Variants in PLCL1 observed in about 807,000 individuals in gnomAD.
PLCL1 encodes phospholipase C like 1 (inactive).
In PLCL1, 41 loss-of-function variants were observed where a neutral mutation model predicts 84.4. That is an observed-to-expected ratio of 0.49 (90% CI 0.38 to 0.63). The LOEUF (loss-of-function observed/expected upper bound fraction) is 0.63. Ranked by LOEUF, PLCL1 falls within the 30% of genes least tolerant of loss-of-function variation. PLCL1 has a pLI of 0.00. For synonymous variants in PLCL1, 490 were observed against 488.3 expected (o/e 1.00, Z -0.05); for missense variants, 1,206 against 1,367.8 (o/e 0.88, Z 1.87).
At chr2:198,042,615 G>A (rs1360574731) in intron 1 of PLCL1, among the ~76,000 whole-genome samples, 1 of 152,130 alleles carries the variant, frequency 6.6e-6, no homozygotes, top group Non-Finnish European at 1.5e-5. Flanking sequence ...AAGATAAGTG[G>A]GCCTGCATTA....
intron 2 of PLCL1, among the ~76,000 whole-genome samples, chr2:198,086,920 A>G (rs1367448925): frequency 6.6e-6 from 1 of 152,178 alleles, no homozygotes; most frequent in Non-Finnish European, 1.5e-5. Flanking sequence ...TATATAACAT[A>G]TTTGCATATA....
intron 5 of PLCL1, among the ~76,000 whole-genome samples, chr2:198,142,838 C>T (rs578188940): frequency 6.6e-6 from 1 of 151,694 alleles, no homozygotes; most frequent in African/African-American, 2.4e-5. Context: ...CCAGAGGATA[C>T]TTCAAATCCC....
At chr2:198,019,582 T>C (rs1372140765) in intron 1 of PLCL1, among the ~76,000 whole-genome samples, 3 of 152,200 alleles carry the variant, frequency 2.0e-5, no homozygotes, top group East Asian at 1.9e-4. Flanking sequence ...AAGAATTTCA[T>C]GAAGCATACA....
In PLCL1 at chr2:198,147,588, T is replaced by C. The variant is rs1462016395; in HGVS notation, c.*626T>C. The C allele has an allele frequency of 6.6e-6, 1 of 152,214 alleles. No homozygotes were observed. Among genetic ancestry groups the C allele is most frequent in the East Asian group, 1.9e-4 (1 of 5,246 alleles). 9.4% of individuals were successfully genotyped at this position (152,214 alleles called of 1,614,324 possible). ...ATTTCTAAAAAGATTAGCAAGGTCA[T>C]TTCTTCAGTCAGAAAACTTTAAAAA... On this transcript the variant is annotated 3_prime_UTR_variant, in exon 6 of 6. Transcript: ENST00000428675.
intron 1 of PLCL1, among the ~76,000 whole-genome samples, chr2:198,008,366 C>T (rs1464754602): frequency 1.3e-5 from 2 of 151,998 alleles, no homozygotes; most frequent in African/African-American, 2.4e-5. Context: ...CTCCCCATTT[C>T]TCCTTCTCCT....
chr2:197,958,713 G>T (rs1559056400), intron 1 of PLCL1, among the ~76,000 whole-genome samples: 2 of 151,946 alleles, frequency 1.3e-5, no homozygotes, highest in African/African-American at 4.8e-5. Flanking sequence ...TTTATTACAT[G>T]CCAACTATGT....
intron 1 of PLCL1, among the ~76,000 whole-genome samples, chr2:197,951,684 G>T (rs1162942738): frequency 6.6e-6 from 1 of 152,072 alleles, no homozygotes. Flanking sequence ...ATCTAATCTG[G>T]ATTTCTGTCA....
At chr2:197,928,892 C>G (rs1224288460) in intron 1 of PLCL1, among the ~76,000 whole-genome samples, 1 of 152,154 alleles carries the variant, frequency 6.6e-6, no homozygotes, top group Non-Finnish European at 1.5e-5. Flanking sequence ...AGAAAAATAC[C>G]TGGAAAAATA....
intron 1 of PLCL1, among the ~76,000 whole-genome samples, chr2:197,879,261 T>C (rs1028817377): frequency 6.6e-6 from 1 of 152,206 alleles, no homozygotes; most frequent in East Asian, 1.9e-4. Context: ...TACATAGATA[T>C]CTGACCATCA....
chr2:198,099,396 T>C (rs1036336), intron 3 of PLCL1, among the ~76,000 whole-genome samples: 70,130 of 151,858 alleles, frequency 0.46, 18,481 homozygotes, highest in East Asian at 0.8. Context: ...TTTGGATTAT[T>C]GGTACATTTT....
intron 1 of PLCL1, among the ~76,000 whole-genome samples, chr2:197,885,487 C>T (rs1687903881): frequency 6.6e-6 from 1 of 152,168 alleles, no homozygotes; most frequent in Non-Finnish European, 1.5e-5. Flanking sequence ...CTGATGCCCA[C>T]AGTGGGGAGG....
At chr2:197,889,931 C>A (rs1687984632) in intron 1 of PLCL1, among the ~76,000 whole-genome samples, 1 of 152,074 alleles carries the variant, frequency 6.6e-6, no homozygotes, top group Non-Finnish European at 1.5e-5. Flanking sequence ...CTAGAGATAT[C>A]CCTCCACCTC....
At chr2:197,884,219 G>C (rs1687879165) in intron 1 of PLCL1, among the ~76,000 whole-genome samples, 1 of 152,128 alleles carries the variant, frequency 6.6e-6, no homozygotes, top group African/African-American at 2.4e-5. Flanking sequence ...AGCAACTTAG[G>C]CTCCATTTAA....
At chr2:197,824,728 A>C (rs1029669010) in intron 1 of PLCL1, among the ~76,000 whole-genome samples, 8 of 151,672 alleles carry the variant, frequency 5.3e-5, no homozygotes, top group South Asian at 2.1e-4. Context: ...AAAAAAAAAA[A>C]AAAAAAACAT....
intron 2 of PLCL1, among the ~76,000 whole-genome samples, chr2:198,087,330 G>C (rs1692910519): frequency 6.6e-6 from 1 of 151,948 alleles, no homozygotes; most frequent in Non-Finnish European, 1.5e-5. Flanking sequence ...CTTCATTAAT[G>C]CTTATAATCT....
chr2:198,115,969 TA>T lies in PLCL1; in HGVS notation c.3105+12038del, dbSNP rs1034999558. Among the ~76,000 whole-genome samples, 538 of 147,610 alleles carry T rather than the reference TA, an allele frequency of 3.6e-3. 2 individuals carry two copies. Among genetic ancestry groups the T allele is most frequent in the African/African-American group, 0.013 (532 of 40,762 alleles). On this transcript the variant is annotated intron_variant, in intron 5 of 5. Coordinates refer to ENST00000428675, the MANE Select transcript of PLCL1 (RefSeq NM_006226.4). Reference sequence around the variant, plus strand: ...ATATAAAATATATACATATAATATATAAAAATATACTTATTAAATATATAAA... The same window carrying T: ...ATATAAAATATATACATATAATATATAAAATATACTTATTAAATATATAAA...
At chr2:197,850,194 C>T (rs1253408391) in intron 1 of PLCL1, among the ~76,000 whole-genome samples, 2 of 152,142 alleles carry the variant, frequency 1.3e-5, no homozygotes, top group African/African-American at 2.4e-5. Flanking sequence ...AGGATTGAAT[C>T]AGATTTTCTC....
At chr2:198,140,288 A>G (rs1694354361) in intron 5 of PLCL1, among the ~76,000 whole-genome samples, 1 of 152,172 alleles carries the variant, frequency 6.6e-6, no homozygotes, top group African/African-American at 2.4e-5. Context: ...GGTTTTTTAA[A>G]TTATATTATT....
At chr2:197,918,776 A>C (rs1026955331) in intron 1 of PLCL1, among the ~76,000 whole-genome samples, 1 of 152,060 alleles carries the variant, frequency 6.6e-6, no homozygotes, top group Non-Finnish European at 1.5e-5. Context: ...ATCCCAAAAA[A>C]CAAAAAACGA....
Sources: allele counts gnomAD v4.1 joint callset (sites outside exome capture counted in the v4.1 genomes callset), GRCh38; gene constraint gnomAD v4.1.1; transcripts MANE v1.5; gene names NCBI Gene and HGNC (gene_info 2026-07-23, HGNC 2026-07-21).